The following ARHGAP42 variants were observed in gnomAD, a reference collection of about 807,000 sequenced individuals.
ARHGAP42 encodes rho GTPase-activating protein 42.
Under a neutral mutation model 125.0 loss-of-function variants are expected in ARHGAP42, and 63 were observed. The observed-to-expected ratio is 0.50, with a 90% confidence interval of 0.41 to 0.62. The LOEUF (loss-of-function observed/expected upper bound fraction) is 0.62, where lower values mean the gene tolerates loss of function less well. Ranked by LOEUF, ARHGAP42 falls within the 20% of genes least tolerant of loss-of-function variation. The pLI is 0.00. For synonymous variants in ARHGAP42, 339 were observed against 351.0 expected (o/e 0.97, Z 0.38); for missense variants, 766 against 1,024.2 (o/e 0.75, Z 3.44).
chr11:100,952,578 A>G (rs963301835), intron 12 of ARHGAP42, among the ~76,000 whole-genome samples: 3 of 152,112 alleles, frequency 2.0e-5, no homozygotes, highest in Admixed American at 1.3e-4. Flanking sequence ...TCACCCAAAC[A>G]GAATCACTAC....
At chr11:100,766,305 G>T (rs1356101390) in intron 1 of ARHGAP42, among the ~76,000 whole-genome samples, 1 of 151,948 alleles carries the variant, frequency 6.6e-6, no homozygotes, top group African/African-American at 2.4e-5. Context: ...AGTGAATATT[G>T]GGTAGTAATA....
chr11:100,721,519 C>T (rs1861758276), intron 1 of ARHGAP42, among the ~76,000 whole-genome samples: 1 of 151,760 alleles, frequency 6.6e-6, no homozygotes, highest in Non-Finnish European at 1.5e-5. Flanking sequence ...GTCACCCAGC[C>T]TGGAGTGCAG....
intron 5 of ARHGAP42, among the ~76,000 whole-genome samples, chr11:100,916,102 T>C (rs1867055163): frequency 6.6e-6 from 1 of 152,160 alleles, no homozygotes; most frequent in African/African-American, 2.4e-5. Context: ...CAGGACTGAA[T>C]TGAAGGGTCA....
At chr11:100,780,551 G>A (rs1394273749) in intron 2 of ARHGAP42, among the ~76,000 whole-genome samples, 1 of 152,340 alleles carries the variant, frequency 6.6e-6, no homozygotes, top group South Asian at 2.1e-4. Flanking sequence ...ATGAAGCATG[G>A]TGGAGCGTTA....
chr11:100,884,453 C>G lies in ARHGAP42; in HGVS notation c.384+24828C>G, dbSNP rs78110085. On this transcript the variant is annotated intron_variant, in intron 4 of 23. Transcript: ENST00000298815. ...TTAACTGGGGGCGAACACTTAGTAA[C>G]TAGGAATTTATTTTAATAAACAATA... is the stretch of plus-strand genomic sequence containing the variant. 3.4e-3 allele frequency among the ~76,000 whole-genome samples: 524 copies of G among 152,040 alleles called. 4 individuals are homozygous for G. The highest frequency in any genetic ancestry group is 0.012 in the African/African-American group (508 of 41,466).
chr11:100,835,008 C>T (rs656698), intron 3 of ARHGAP42, among the ~76,000 whole-genome samples: 5,713 of 151,982 alleles, frequency 0.038, 149 homozygotes, highest in Middle Eastern at 0.11. Context: ...ATAAGTAAAA[C>T]ACTTCATCTG....
chr11:100,807,709 T>G (rs1864031324), intron 3 of ARHGAP42, among the ~76,000 whole-genome samples: 1 of 152,220 alleles, frequency 6.6e-6, no homozygotes, highest in African/African-American at 2.4e-5. Flanking sequence ...CACCTGCACT[T>G]CTGATCTCTT....
intron 22 of ARHGAP42, among the ~76,000 whole-genome samples, chr11:100,979,957 A>G (rs961039686): frequency 6.6e-6 from 1 of 152,202 alleles, no homozygotes; most frequent in Non-Finnish European, 1.5e-5. Flanking sequence ...GTAAAAGTAT[A>G]TGGACTTTTT....
rs1591309147 is a variant in ARHGAP42 at position 100,939,592 on chromosome 11, A to G, written c.833-2192A>G. On this transcript the variant is annotated intron_variant, in intron 8 of 23. Transcript: ENST00000298815. ...AATATGGGCACTTAGTAGGTATTCG[A>G]TGAATGTTAATTCCCCTTCCGCACT... 3.3e-5 allele frequency among the ~76,000 whole-genome samples: 5 copies of G among 152,284 alleles called. No individual in the cohort carries two copies. The South Asian group carries it at 1.0e-3, about 32-fold the overall frequency.
chr11:100,701,419 A>G (rs1184241543), intron 1 of ARHGAP42, among the ~76,000 whole-genome samples: 2 of 152,212 alleles, frequency 1.3e-5, no homozygotes, highest in African/African-American at 2.4e-5. Context: ...AAAGTCCTAC[A>G]TGGCATCTTC....
intron 6 of ARHGAP42, among the ~76,000 whole-genome samples, chr11:100,931,418 T>C (rs1867580094): frequency 6.6e-6 from 1 of 152,206 alleles, no homozygotes; most frequent in Non-Finnish European, 1.5e-5. Flanking sequence ...AATATCAGTG[T>C]GTTTTGTCTT....
chr11:100,862,351 C>T (rs982975358), intron 4 of ARHGAP42, among the ~76,000 whole-genome samples: 1 of 152,192 alleles, frequency 6.6e-6, no homozygotes, highest in Non-Finnish European at 1.5e-5. Context: ...GTGAAAAATT[C>T]TTTCCCTAGT....
intron 4 of ARHGAP42, among the ~76,000 whole-genome samples, chr11:100,866,553 C>G (rs534195350): frequency 1.3e-5 from 2 of 152,204 alleles, no homozygotes; most frequent in African/African-American, 4.8e-5. Flanking sequence ...CAGCCATGTA[C>G]AGGAAACATG....
In ARHGAP42 at chr11:100,707,451, A is replaced by G. The variant is rs10431050; in HGVS notation, c.154+19619A>G. 2.4e-3 allele frequency among the ~76,000 whole-genome samples: 371 copies of G among 152,354 alleles called. 13 individuals carry two copies. The East Asian group carries it at 0.068, about 28-fold the overall frequency. ...GACAGGGCCTTTATATGCTGGTGAC[A>G]ACAGAATGACTTAGAAGGTATTTAA... On this transcript the variant is annotated intron_variant, in intron 1 of 23. Transcript: ENST00000298815.
chr11:100,700,971 G>A (rs536665591), intron 1 of ARHGAP42, among the ~76,000 whole-genome samples: 1 of 152,252 alleles, frequency 6.6e-6, no homozygotes, highest in African/African-American at 2.4e-5. Context: ...CTTACAAAAT[G>A]TATCTCTTAA....
intron 2 of ARHGAP42, among the ~76,000 whole-genome samples, chr11:100,794,075 C>CAAAAAAAAAAAAAAAAAAAAAAA (rs869272420): frequency 2.2e-5 from 1 of 44,864 alleles, no homozygotes; most frequent in African/African-American, 7.0e-5. Context: ...GACCCTGTCT[C>CAAAAAAAAAAAAAAAAAAAAAAA]AAAAAAAAAA....
At chr11:100,972,273 G>A (rs142740487) in intron 17 of ARHGAP42, among the ~76,000 whole-genome samples, 27 of 152,324 alleles carry the variant, frequency 1.8e-4, no homozygotes, top group Non-Finnish European at 2.9e-4. Flanking sequence ...AGAAAAGTGA[G>A]TGGTTAAACT....
At position 100,989,848 on chromosome 11, in the gene ARHGAP42, T is replaced by A. The variant is rs1858786102; in HGVS notation, c.*1047T>A. 6.6e-6 allele frequency: 1 copy of A among 152,206 alleles called. No individual in the cohort carries two copies. The highest frequency in any genetic ancestry group is 2.1e-4 in the South Asian group (1 of 4,834). 9.4% of individuals were successfully genotyped at this position (152,206 alleles called of 1,614,324 possible). A position where few individuals can be genotyped will look rare whatever the true frequency, so the allele number is the denominator to read the frequency against. ...AAAACGTTACAAGGGAAGCTATGCCTTCTGAAGTCTATCCTTAGTTGAAAC... is the reference window on the plus strand; with the variant it reads ...AAAACGTTACAAGGGAAGCTATGCCATCTGAAGTCTATCCTTAGTTGAAAC... On this transcript the variant is annotated 3_prime_UTR_variant, in exon 24 of 24. Coordinates refer to ENST00000298815, the MANE Select transcript of ARHGAP42 (RefSeq NM_152432.4).
chr11:100,731,143 T>C (rs2120304594), intron 1 of ARHGAP42, among the ~76,000 whole-genome samples: 1 of 152,240 alleles, frequency 6.6e-6, no homozygotes, highest in South Asian at 2.1e-4. Flanking sequence ...CAGTATAACT[T>C]AGATTTATAT....
Sources: allele counts gnomAD v4.1 joint callset (sites outside exome capture counted in the v4.1 genomes callset), GRCh38; gene constraint gnomAD v4.1.1; transcripts MANE v1.5; gene names NCBI Gene and HGNC (gene_info 2026-07-23, HGNC 2026-07-21).